LRP1B: variants seen among roughly 807,000 people sequenced by gnomAD.
The protein encoded by LRP1B is LDL receptor related protein 1B.
In LRP1B, 217 loss-of-function variants were observed where a neutral mutation model predicts 556.6. The observed-to-expected ratio is 0.39, with a 90% CI of 0.35 to 0.44. LRP1B has a LOEUF of 0.44. Ranked by LOEUF, LRP1B falls within the 20% of genes least tolerant of loss-of-function variation. The pLI, the probability that LRP1B is intolerant of heterozygous loss-of-function variation, is 1.00. For missense variants in LRP1B, 5,053 were observed against 5,620.8 expected (o/e 0.90, Z 3.23); for synonymous variants, 2,047 against 1,865.8 (o/e 1.10, Z -2.50).
chr2:141,886,028 T>C (rs940978167), intron 1 of LRP1B, among the ~76,000 whole-genome samples: 1 of 152,170 alleles, frequency 6.6e-6, no homozygotes, highest in Admixed American at 6.5e-5. Flanking sequence ...AGAAAGAGAC[T>C]GAAAGCTTTA....
intron 43 of LRP1B, among the ~76,000 whole-genome samples, chr2:140,576,973 T>C (rs1234064762): frequency 6.6e-6 from 1 of 152,236 alleles, no homozygotes; most frequent in Non-Finnish European, 1.5e-5. Flanking sequence ...TGATTCCTTT[T>C]TTTTCAATGT....
chr2:141,373,857 T>C lies in LRP1B; in HGVS notation c.343+106539A>G, dbSNP rs144287184. ...CTTTGTTTCCTTCCTTTTCTCTTTG[T>C]TTTATTTTGGTATTTATGATTTGAT... On this transcript the variant is annotated intron_variant, in intron 3 of 90. Transcript: ENST00000389484. 7.5e-4 allele frequency among the ~76,000 whole-genome samples: 114 copies of C among 152,158 alleles called. No individual in the cohort carries two copies. In the East Asian group the frequency reaches 0.02, roughly 27 times the overall value.
chr2:140,371,596 T>C (rs1682999736), intron 69 of LRP1B, among the ~76,000 whole-genome samples: 1 of 148,036 alleles, frequency 6.8e-6, no homozygotes, highest in South Asian at 2.1e-4. Context: ...CCCTTTGATT[T>C]TGAAGTGTTA....
intron 1 of LRP1B, among the ~76,000 whole-genome samples, chr2:141,974,466 T>A (rs1019536941): frequency 6.6e-6 from 1 of 152,024 alleles, no homozygotes; most frequent in African/African-American, 2.4e-5. Flanking sequence ...CTACAACCTT[T>A]CGAGTTTTCA....
chr2:141,670,440 GA>G (rs571337942), intron 2 of LRP1B, among the ~76,000 whole-genome samples: 8 of 152,084 alleles, frequency 5.3e-5, no homozygotes, highest in Non-Finnish European at 1.2e-4. Context: ...TGGATTGAAG[GA>G]AGAATTTTAT....
intron 3 of LRP1B, among the ~76,000 whole-genome samples, chr2:141,261,566 T>A (rs1459024523): frequency 6.6e-6 from 1 of 152,132 alleles, no homozygotes; most frequent in African/African-American, 2.4e-5. Flanking sequence ...TTTATCTCAA[T>A]GGTTTTGTCT....
intron 3 of LRP1B, among the ~76,000 whole-genome samples, chr2:141,346,423 A>G (rs1688261109): frequency 6.6e-6 from 1 of 152,120 alleles, no homozygotes; most frequent in Non-Finnish European, 1.5e-5. Context: ...TGGGCAGTGC[A>G]GGTTTTCCAG....
intron 43 of LRP1B, among the ~76,000 whole-genome samples, chr2:140,563,828 C>A (rs1231216292): frequency 6.6e-6 from 1 of 152,114 alleles, no homozygotes; most frequent in African/African-American, 2.4e-5. Flanking sequence ...GAACTACATA[C>A]TTTATTCATA....
chr2:141,610,320 TATA>T (rs200146418), intron 2 of LRP1B, among the ~76,000 whole-genome samples: 36,309 of 143,384 alleles, frequency 0.25, 4,939 homozygotes, highest in South Asian at 0.44. Flanking sequence ...AAACTTAAAG[TATA>T]ATAATAATAA....
intron 32 of LRP1B, among the ~76,000 whole-genome samples, chr2:140,781,886 A>T (rs1689711618): frequency 6.6e-6 from 1 of 152,166 alleles, no homozygotes; most frequent in Admixed American, 6.6e-5. Flanking sequence ...GCTTTTCCTT[A>T]TCGTTTCATT....
At chr2:141,752,992 T>C (rs956735626) in intron 2 of LRP1B, among the ~76,000 whole-genome samples, 1 of 137,226 alleles carries the variant, frequency 7.3e-6, no homozygotes, top group Non-Finnish European at 1.6e-5. Flanking sequence ...CGAACACCTG[T>C]AATCCCAGCA....
intron 41 of LRP1B, among the ~76,000 whole-genome samples, chr2:140,605,808 C>A (rs12470296): frequency 0.16 from 23,826 of 151,764 alleles, 2,167 homozygotes; most frequent in African/African-American, 0.24. Flanking sequence ...AATTCAATAA[C>A]CTTTCATTAT....
chr2:140,313,402 T>C (rs1254292535), intron 83 of LRP1B, among the ~76,000 whole-genome samples: 1 of 151,930 alleles, frequency 6.6e-6, no homozygotes, highest in African/African-American at 2.4e-5. Flanking sequence ...TTAAAAGTTG[T>C]GCTGTATCTA....
intron 7 of LRP1B, among the ~76,000 whole-genome samples, chr2:141,093,579 T>G (rs1700223613): frequency 6.6e-6 from 1 of 152,158 alleles, no homozygotes; most frequent in Non-Finnish European, 1.5e-5. Context: ...GGAAATTAAC[T>G]GCCTGCTGTG....
At position 140,541,061 on chromosome 2, in the gene LRP1B, G is replaced by A. The variant is rs1363919382; in HGVS notation, c.7425C>T (p.Cys2475=). The A allele has an allele frequency of 6.2e-7, 1 of 1,610,994 alleles. No individual in the cohort carries two copies. The highest frequency in any genetic ancestry group is 8.5e-7 in the Non-Finnish European group (1 of 1,177,846). ...LSPCALLNGG[C]HDLCLLTPNG... is the part of the protein sequence containing the mutation. ...TGGGAGTTAAAAGGCACAAGTCATG[G>A]CAGCCTCCATTCAATAATGCACATG... The change falls in exon 45 of 91, where the codon TGC becomes TGT. Residue 2475 remains cysteine, a synonymous_variant. Coordinates refer to ENST00000389484, the MANE Select transcript of LRP1B (RefSeq NM_018557.3).
At chr2:140,391,855 TGAAA>T (rs1684036281) in intron 66 of LRP1B, among the ~76,000 whole-genome samples, 1 of 152,170 alleles carries the variant, frequency 6.6e-6, no homozygotes, top group Non-Finnish European at 1.5e-5. Flanking sequence ...ATAATTAAAA[TGAAA>T]CAGAATTATT....
intron 14 of LRP1B, among the ~76,000 whole-genome samples, chr2:141,011,851 A>T (rs191033657): frequency 2.6e-5 from 4 of 152,166 alleles, no homozygotes; most frequent in Admixed American, 1.3e-4. Flanking sequence ...AGAGTTATGT[A>T]CTTCATTGTA....
chr2:140,466,087 G>T (rs952259136), intron 60 of LRP1B, among the ~76,000 whole-genome samples: 1 of 149,904 alleles, frequency 6.7e-6, no homozygotes, highest in East Asian at 1.9e-4. Context: ...AGGTCGGGGG[G>T]TGGGAAGTAT....
intron 33 of LRP1B, among the ~76,000 whole-genome samples, chr2:140,771,350 A>G (rs1689305438): frequency 6.6e-6 from 1 of 152,102 alleles, no homozygotes; most frequent in South Asian, 2.1e-4. Flanking sequence ...TTTTACTTCA[A>G]CTCTACAATT....
Sources: allele counts gnomAD v4.1 joint callset (sites outside exome capture counted in the v4.1 genomes callset), GRCh38; gene constraint gnomAD v4.1.1; transcripts MANE v1.5; gene names NCBI Gene and HGNC (gene_info 2026-07-23, HGNC 2026-07-21).